The following DLGAP2 variants were observed in gnomAD, a reference collection of about 807,000 sequenced individuals.
DLGAP2 encodes the protein DLG associated protein 2, also known as disks large-associated protein 2.
In DLGAP2, 26 loss-of-function variants were observed where a neutral mutation model predicts 100.3. The observed-to-expected ratio is 0.26, with a 90% confidence interval of 0.19 to 0.36. The LOEUF is 0.36. DLGAP2 is among the 10% of genes least tolerant of loss of function. The pLI is 1.00. For synonymous variants in DLGAP2, 886 were observed against 630.1 expected, an observed-to-expected ratio of 1.41 and a Z score of -6.08; for missense variants, 1,858 against 1,453.2, an observed-to-expected ratio of 1.28 and a Z score of -4.53.
At chr8:1,230,175 A>G (rs1344106664) in intron 2 of DLGAP2, among the ~76,000 whole-genome samples, 1 of 152,216 alleles carries the variant, frequency 6.6e-6, no homozygotes, top group Admixed American at 6.5e-5. Flanking sequence ...ATTTCAGCAT[A>G]CAAAATCAAT....
intron 6 of DLGAP2, among the ~76,000 whole-genome samples, chr8:1,582,751 G>A (rs1390318915): frequency 6.6e-6 from 1 of 152,058 alleles, no homozygotes; most frequent in Admixed American, 6.6e-5. Context: ...CACCACACCC[G>A]ACTAATTTTT....
At chr8:1,600,600 T>C (rs1796594558) in intron 6 of DLGAP2, among the ~76,000 whole-genome samples, 1 of 152,248 alleles carries the variant, frequency 6.6e-6, no homozygotes, top group Admixed American at 6.5e-5. Flanking sequence ...CAATCTTGTC[T>C]TCACACTTTA....
chr8:1,131,661 T>C (rs1475876210), intron 2 of DLGAP2, among the ~76,000 whole-genome samples: 1 of 150,926 alleles, frequency 6.6e-6, no homozygotes, highest in Non-Finnish European at 1.5e-5. Flanking sequence ...CTGTTCCACA[T>C]TAGGTGAGAT....
intron 2 of DLGAP2, among the ~76,000 whole-genome samples, chr8:1,044,769 C>A (rs905100535): frequency 6.6e-6 from 1 of 152,196 alleles, no homozygotes; most frequent in Non-Finnish European, 1.5e-5. Flanking sequence ...CTCCATACCC[C>A]CTCGCTATGG....
chr8:1,626,857 C>A lies in DLGAP2; in HGVS notation c.1560C>A (p.Ser520Arg). The A allele has an allele frequency of 6.2e-7, 1 of 1,606,150 alleles. No homozygotes were observed. The highest frequency in any genetic ancestry group is 8.5e-7 in the Non-Finnish European group (1 of 1,176,554). ...ACCAGAGCTACATGAGGGCCGTCAG[C>A]ACCCTGAGCCAGGCCAGCTGCGTGA... ...SRNQSYMRAV[S>R]TLSQASCVSQ... is the part of the protein sequence containing the mutation. Residue 520 changes from serine to arginine, a missense_variant, in exon 7 of 15, where the codon AGC becomes AGA. By Grantham distance (110) the Ser-to-Arg change is moderately radical (BLOSUM62 -1). Coordinates refer to ENST00000637795, the MANE Select transcript of DLGAP2 (RefSeq NM_001346810.2).
intron 1 of DLGAP2, among the ~76,000 whole-genome samples, chr8:754,707 G>A (rs1820879865): frequency 6.6e-6 from 1 of 152,162 alleles, no homozygotes; most frequent in Admixed American, 6.5e-5. Context: ...GCCAGGCATG[G>A]TGGTGTGCAC....
intron 4 of DLGAP2, among the ~76,000 whole-genome samples, chr8:1,516,207 G>A (rs1563196408): frequency 6.6e-6 from 1 of 152,288 alleles, no homozygotes; most frequent in African/African-American, 2.4e-5. Context: ...GAGTGAATGT[G>A]TGCATGAATG....
intron 2 of DLGAP2, among the ~76,000 whole-genome samples, chr8:1,026,524 A>C (rs957655040): frequency 8.5e-5 from 13 of 152,048 alleles, no homozygotes; most frequent in African/African-American, 3.1e-4. Context: ...AGTTTTTCTA[A>C]TTATCTTTTT....
intron 8 of DLGAP2, among the ~76,000 whole-genome samples, chr8:1,633,459 C>T (rs1350837485): frequency 6.6e-6 from 1 of 152,166 alleles, no homozygotes; most frequent in African/African-American, 2.4e-5. Flanking sequence ...GCTCAGTAAG[C>T]AGATCTGTAA....
At chr8:1,442,806 T>C (rs1025163165) in intron 3 of DLGAP2, among the ~76,000 whole-genome samples, 2 of 149,322 alleles carry the variant, frequency 1.3e-5, no homozygotes, top group Non-Finnish European at 2.9e-5. Flanking sequence ...GTTCAGCCAC[T>C]GGGGGAGACG....
intron 2 of DLGAP2, among the ~76,000 whole-genome samples, chr8:1,106,136 G>C (rs1197068690): frequency 1.3e-5 from 2 of 150,180 alleles, no homozygotes; most frequent in Non-Finnish European, 3.0e-5. Context: ...TCTATTGAGG[G>C]GAGCCATTCT....
At chr8:1,407,961 G>T (rs566074844) in intron 3 of DLGAP2, among the ~76,000 whole-genome samples, 2 of 152,344 alleles carry the variant, frequency 1.3e-5, no homozygotes, top group Non-Finnish European at 2.9e-5. Flanking sequence ...CTTGTTGGGG[G>T]TTGGGGTGGG....
chr8:1,464,595 C>T lies in DLGAP2; in HGVS notation c.107-36771C>T, dbSNP rs368719438. Among the ~76,000 whole-genome samples, 484 of 152,328 alleles carry T rather than the reference C, an allele frequency of 3.2e-3. 1 individual carries two copies. Among genetic ancestry groups the T allele is most frequent in the Admixed American group, 5.3e-3 (81 of 15,302 alleles). On this transcript the variant is annotated intron_variant, in intron 3 of 14. Coordinates refer to ENST00000637795, the MANE Select transcript of DLGAP2 (RefSeq NM_001346810.2). ...GGCTCTCTTCCAGGACAGCTCCCTTCCTGCTGAGCTCCCAGGCAGCTAGTC... is the reference window on the plus strand; with the variant it reads ...GGCTCTCTTCCAGGACAGCTCCCTTTCTGCTGAGCTCCCAGGCAGCTAGTC...
intron 4 of DLGAP2, among the ~76,000 whole-genome samples, chr8:1,506,080 C>A (rs1286727979): frequency 6.6e-6 from 1 of 152,184 alleles, no homozygotes; most frequent in Non-Finnish European, 1.5e-5. Flanking sequence ...CTGGCAGGCA[C>A]ATAGATTGTG....
chr8:946,457 G>T (rs533021414), intron 2 of DLGAP2, among the ~76,000 whole-genome samples: 2 of 151,830 alleles, frequency 1.3e-5, no homozygotes, highest in Admixed American at 6.6e-5. Flanking sequence ...TAGAGACGGG[G>T]TTTCACCATA....
intron 2 of DLGAP2, among the ~76,000 whole-genome samples, chr8:1,122,689 A>G (rs1171790718): frequency 6.6e-6 from 1 of 152,110 alleles, no homozygotes; most frequent in African/African-American, 2.4e-5. Context: ...TAGTTGATAA[A>G]GTAGAAGCTA....
intron 3 of DLGAP2, among the ~76,000 whole-genome samples, chr8:1,447,191 C>T (rs1048894339): frequency 5.3e-5 from 8 of 152,174 alleles, no homozygotes; most frequent in Non-Finnish European, 1.0e-4. Flanking sequence ...GAGAATGTTT[C>T]CAGTTTTTGC....
intron 1 of DLGAP2, among the ~76,000 whole-genome samples, chr8:817,856 C>G (rs1008238532): frequency 6.6e-6 from 1 of 152,152 alleles, no homozygotes; most frequent in African/African-American, 2.4e-5. Context: ...GCACCTGCTC[C>G]GGCGGAGGGG....
intron 2 of DLGAP2, among the ~76,000 whole-genome samples, chr8:1,059,312 G>A (rs941336726): frequency 6.7e-6 from 1 of 148,280 alleles, no homozygotes; most frequent in Admixed American, 6.8e-5. Context: ...CATCCCCTGG[G>A]TATGGACTCT....
Sources: gnomAD v4.1 joint callset for allele counts (sites outside exome capture counted in the v4.1 genomes callset) on GRCh38, gnomAD v4.1.1 for gene constraint, MANE v1.5 for transcripts, NCBI Gene and HGNC (gene_info 2026-07-23, HGNC 2026-07-21) for gene names.